The following BCL2L12 variants were observed in gnomAD, a reference collection of about 807,000 sequenced individuals.
BCL2L12 encodes bcl-2-like protein 12.
Under a neutral mutation model 25.7 loss-of-function variants are expected in BCL2L12, and 27 were observed. That is an observed-to-expected ratio of 1.05 (90% CI 0.78 to 1.45). The LOEUF (loss-of-function observed/expected upper bound fraction) is 1.45, where lower values mean the gene tolerates loss of function less well. BCL2L12 is among the 40% of genes most tolerant of loss of function. BCL2L12 has a pLI of 0.00. For synonymous variants in BCL2L12, 132 were observed against 145.6 expected (o/e 0.91, Z 0.67); for missense variants, 302 against 329.8 (o/e 0.92, Z 0.65).
At chr19:49,666,977 G>A in intron 2 of BCL2L12, 42 bp from the exon 3 acceptor site, 1 of 1,600,992 alleles carries the variant, frequency 6.2e-7, no homozygotes, top group Non-Finnish European at 8.5e-7. Context: ...CTGCTTGCAG[G>A]GGATCTCTGG....
chr19:49,669,197 T>A, intron 5 of BCL2L12, 82 bp downstream of exon 5: 1 of 1,556,932 alleles, frequency 6.4e-7, no homozygotes, highest in Non-Finnish European at 8.7e-7. Flanking sequence ...TGGATCTGTA[T>A]TTTCTTTGGA....
At position 49,670,471 on chromosome 19, in the gene BCL2L12, C is replaced by A; in HGVS notation, c.685C>A (p.Gln229Lys). 1 of 1,536,266 alleles carries A rather than the reference C, an allele frequency of 6.5e-7. No homozygotes were observed. The highest frequency in any genetic ancestry group is 1.2e-5 in the South Asian group (1 of 82,458). Residue 229 changes from glutamine (Q) to lysine (K), a missense_variant, in exon 6 of 7, where the codon CAG becomes AAG. By Grantham distance (53) the Gln-to-Lys change is moderately conservative (BLOSUM62 1). Transcript: ENST00000246784. ...EHVHSFTPWI[Q>K]AHGGWEGILA... ...CGTGCACAGCTTCACGCCCTGGATC[C>A]AGGCCCACGGGGGCTGGGTGAGCCG...
At chr19:49,670,775 T>C (rs535090355) in intron 6 of BCL2L12, among the ~76,000 whole-genome samples, 2 of 152,020 alleles carry the variant, frequency 1.3e-5, no homozygotes, top group Non-Finnish European at 2.9e-5. Flanking sequence ...CCCAGCACTT[T>C]TGGAGGCCAA....
chr19:49,665,786 C>A, upstream of BCL2L12: 1 of 1,560,700 alleles, frequency 6.4e-7, no homozygotes, highest in South Asian at 1.1e-5. Context: ...GAAATAAAAC[C>A]AACTTTATCA....
intron 5 of BCL2L12, 39 bp downstream of exon 5, chr19:49,669,154 G>C: frequency 6.2e-7 from 1 of 1,606,788 alleles, no homozygotes; most frequent in Non-Finnish European, 8.5e-7. Flanking sequence ...AAGGACAGGA[G>C]TTGCGGAATG....
upstream of BCL2L12, chr19:49,665,165 G>A (rs760585682): frequency 3.2e-6 from 1 of 314,992 alleles, no homozygotes; most frequent in East Asian, 6.3e-5. Context: ...CACTTTCAGG[G>A]TAGCATCCTC....
chr19:49,668,998 C>T, intron 4 of BCL2L12, 26 bp from the exon 5 acceptor site: 1 of 1,613,856 alleles, frequency 6.2e-7, no homozygotes. Flanking sequence ...GGTTCTGCCC[C>T]CAGCCAAATT....
intron 5 of BCL2L12, 147 bp downstream of exon 5, chr19:49,669,262 G>A: frequency 2.8e-6 from 4 of 1,437,348 alleles, no homozygotes; most frequent in Non-Finnish European, 2.8e-6. Flanking sequence ...GAGGCCGGGT[G>A]TGGTGGCTCA....
In BCL2L12 at chr19:49,672,535, T is replaced by G. The variant is rs551133089; in HGVS notation, c.703-1163T>G. On this transcript the variant is annotated intron_variant, in intron 6 of 6. Coordinates refer to ENST00000246784, the MANE Select transcript of BCL2L12 (RefSeq NM_138639.2). This position sits in a 1 kb window ranked among gnomAD's most constrained non-coding sequence, Gnocchi z 4.1. ...CTCTGGCGGCTGCCTGGGGACAGACTGCTGGGGGCGAGGGCAGAAGTAGGG... is the reference window on the plus strand; with the variant it reads ...CTCTGGCGGCTGCCTGGGGACAGACGGCTGGGGGCGAGGGCAGAAGTAGGG... 6.6e-6 allele frequency among the ~76,000 whole-genome samples: 1 copy of G among 152,206 alleles called. No homozygotes were observed. The highest frequency in any genetic ancestry group is 2.1e-4 in the South Asian group (1 of 4,816).
At chr19:49,673,633 TG>T in intron 6 of BCL2L12, 64 bp from the exon 7 acceptor site, 1 of 1,336,200 alleles carries the variant, frequency 7.5e-7, no homozygotes, top group Non-Finnish European at 1.1e-6. Flanking sequence ...AGGGCTGATG[TG>T]GACGCTGCTG....
At position 49,672,085 on chromosome 19, in the gene BCL2L12, C is replaced by G. The variant is rs925272512; in HGVS notation, c.702+1597C>G. On this transcript the variant is annotated intron_variant, in intron 6 of 6. Transcript: ENST00000246784. This position sits in a 1 kb window ranked among gnomAD's most constrained non-coding sequence, Gnocchi z 4.1. ...AGGAGACCCAGAAGTCTTCCCCTCT[C>G]CTTTTCTTACTTTATCTCCAGTGCC... The G allele has an allele frequency of 1.6e-4, 24 of 152,624 alleles. No individual in the cohort carries two copies. The highest frequency in any genetic ancestry group is 5.5e-4 in the African/African-American group (23 of 41,576). The allele number at this position is 152,624 out of a possible 1,614,324, so 9.5% of individuals were successfully genotyped here.
chr19:49,665,843 T>C, upstream of BCL2L12: 1 of 1,598,562 alleles, frequency 6.3e-7, no homozygotes, highest in Admixed American at 1.7e-5. Context: ...CCCGCTGGGC[T>C]GTTCCCGCCC....
Position 49,670,262 on chromosome 19 carries a change from C to G in BCL2L12, c.476C>G (p.Ser159Cys). ...CGCAGCAAGCTGGTCCGCCTGTCCT[C>G]CGACTCTTTCGCCCGCCTGGTGGAG... ...ALRSKLVRLS[S>C]DSFARLVELF... is the part of the protein sequence containing the mutation. Residue 159 changes from serine to cysteine, a missense_variant, in exon 6 of 7, where the codon TCC becomes TGC. By Grantham distance (112) the Ser-to-Cys change is moderately radical (BLOSUM62 -1). Coordinates refer to ENST00000246784, the MANE Select transcript of BCL2L12 (RefSeq NM_138639.2). The G allele has an allele frequency of 1.2e-6, 2 of 1,610,400 alleles. No individual in the cohort carries two copies. The highest frequency in any genetic ancestry group is 2.2e-5 in the East Asian group (1 of 44,846).
upstream of BCL2L12, chr19:49,665,164 G>A (rs943309883): frequency 3.2e-6 from 1 of 316,298 alleles, no homozygotes; most frequent in African/African-American, 2.2e-5. Flanking sequence ...CCACTTTCAG[G>A]GTAGCATCCT....
chr19:49,673,667 C>G, intron 6 of BCL2L12, 31 bp from the exon 7 acceptor site: 1 of 1,576,770 alleles, frequency 6.3e-7, no homozygotes, highest in Admixed American at 1.7e-5. Flanking sequence ...ACCTGCCCTG[C>G]TCACAGGGCT....
rs766725307 is a variant in BCL2L12, at chr19:49,669,047, G to A, written c.361G>A (p.Glu121Lys). The A allele has an allele frequency of 1.2e-6, 2 of 1,614,148 alleles. No individual in the cohort carries two copies. Among genetic ancestry groups the A allele is most frequent in the Non-Finnish European group, 8.5e-7 (1 of 1,180,018 alleles). ...SPELQGPPSTEKEAILRRLVA... is the reference protein window; with the variant it reads ...SPELQGPPSTKKEAILRRLVA... ...AGAATTACAGGGTCCCCCATCGACA[G>A]AGAAGGAAGCCATACTGCGGAGGCT... The change falls in exon 5 of 7, where the codon GAG (glutamate) becomes AAG (lysine). Residue 121 changes from glutamate (E) to lysine (K), a missense_variant. Glu to Lys is a moderately conservative substitution (Grantham distance 56, BLOSUM62 1). Transcript: ENST00000246784.
chr19:49,673,608 C>T lies in BCL2L12; in HGVS notation c.703-90C>T, dbSNP rs563382811. 2.7e-5 allele frequency: 30 copies of T among 1,117,302 alleles called. No individual in the cohort carries two copies. The East Asian group carries it at 5.7e-4, about 21-fold the overall frequency. 69.2% of individuals were successfully genotyped at this position (1,117,302 alleles called of 1,614,324 possible). ...TCCGCTCTCTGGTTCCTCGCCTTCC[C>T]GTCTCTAATCTCACAGGGCTGATGT... On this transcript the variant is annotated intron_variant, in intron 6 of 6. Transcript: ENST00000246784.
Position 49,672,062 on chromosome 19 carries a change from G to A in BCL2L12, c.702+1574G>A, listed in dbSNP as rs539073747. On this transcript the variant is annotated intron_variant, in intron 6 of 6. Transcript: ENST00000246784. The surrounding 1 kb of genome is among the most constrained non-coding windows in gnomAD (Gnocchi z 4.1). ...CCCACCTCTAACACATCAGCTTCAG[G>A]AGACCCAGAAGTCTTCCCCTCTCCT... The A allele has an allele frequency of 6.6e-6, 1 of 152,482 alleles. No homozygotes were observed. The highest frequency in any genetic ancestry group is 1.9e-4 in the East Asian group (1 of 5,184). The allele number at this position is 152,482 out of a possible 1,614,324, so 9.4% of individuals were successfully genotyped here. A position where few individuals can be genotyped will look rare whatever the true frequency, so the allele number is the denominator to read the frequency against.
At chr19:49,665,813 C>T (rs1443563302), upstream of BCL2L12, 2 of 1,584,546 alleles carry the variant, frequency 1.3e-6, no homozygotes, top group South Asian at 1.1e-5. Context: ...GGGTAACAGA[C>T]CCAAAAGCCG....
Sources: allele counts gnomAD v4.1 joint callset (sites outside exome capture counted in the v4.1 genomes callset), GRCh38; gene constraint gnomAD v4.1.1; non-coding constraint Gnocchi (gnomAD v3.1); transcripts MANE v1.5; gene names NCBI Gene and HGNC (gene_info 2026-07-23, HGNC 2026-07-21).